CNOT10: variants seen among roughly 807,000 people sequenced by gnomAD.
CNOT10 encodes CCR4-NOT transcription complex, subunit 10.
Under a neutral mutation model 94.6 loss-of-function variants are expected in CNOT10, and 30 were observed. The ratio of observed to expected loss-of-function variants is 0.32; its 90% CI spans 0.24 to 0.43. CNOT10 has a LOEUF of 0.43. Among genes scored for constraint, CNOT10 ranks in the 20% least tolerant of loss-of-function variants. CNOT10 has a pLI of 1.00. For missense variants in CNOT10, 759 were observed against 877.2 expected, an observed-to-expected ratio of 0.87 and a Z score of 1.70; for synonymous variants, 289 against 301.6, an observed-to-expected ratio of 0.96 and a Z score of 0.43.
chr3:32,696,446 A>C (rs7372289), intron 1 of CNOT10, among the ~76,000 whole-genome samples: 30,827 of 152,054 alleles, frequency 0.2, 3,930 homozygotes, highest in African/African-American at 0.35. Context: ...TAAAAACAGA[A>C]AATTTTCATC....
At chr3:32,706,020 A>G (rs1697607314) in intron 3 of CNOT10, among the ~76,000 whole-genome samples, 1 of 152,198 alleles carries the variant, frequency 6.6e-6, no homozygotes. Context: ...GGTGCTTATT[A>G]TCTCAGTTTT....
chr3:32,706,946 G>A (rs1052528159), intron 3 of CNOT10, among the ~76,000 whole-genome samples: 41 of 152,234 alleles, frequency 2.7e-4, no homozygotes, highest in African/African-American at 8.4e-4. Context: ...GGTGGTTGAC[G>A]TCTGCTGAAG....
At chr3:32,740,015 T>C (rs1043590920) in intron 13 of CNOT10, among the ~76,000 whole-genome samples, 2 of 152,216 alleles carry the variant, frequency 1.3e-5, no homozygotes, top group Non-Finnish European at 2.9e-5. Flanking sequence ...AGGATCACTT[T>C]AAGCCCTGGA....
At chr3:32,759,108 T>A (rs1700329815) in intron 13 of CNOT10, among the ~76,000 whole-genome samples, 1 of 149,114 alleles carries the variant, frequency 6.7e-6, no homozygotes, top group Non-Finnish European at 1.5e-5. Flanking sequence ...GGAAGTTAGT[T>A]CTCATTAGGC....
chr3:32,709,120 A>T (rs552046463), intron 4 of CNOT10, among the ~76,000 whole-genome samples: 17 of 152,220 alleles, frequency 1.1e-4, no homozygotes, highest in African/African-American at 3.6e-4. Flanking sequence ...ATCCTTTCTT[A>T]CTTTAGTACA....
intron 5 of CNOT10, chr3:32,715,960 C>T (rs1698099708): frequency 3.6e-6 from 1 of 277,000 alleles, no homozygotes; most frequent in Middle Eastern, 1.1e-3. Context: ...TACATGGCCA[C>T]CATGCCCAGC....
chr3:32,717,217 G>C lies in CNOT10; in HGVS notation c.724G>C (p.Val242Leu). 1 of 1,607,056 alleles carries C rather than the reference G, an allele frequency of 6.2e-7. No individual in the cohort carries two copies. The highest frequency in any genetic ancestry group is 1.1e-5 in the South Asian group (1 of 90,186). Reference sequence around the variant, plus strand: ...AGCATGTAAAAGGGAAATCAAGTCAGTCATGAATACAGCTGGAAATGTAAG... The same window carrying C: ...AGCATGTAAAAGGGAAATCAAGTCACTCATGAATACAGCTGGAAATGTAAG... ...LKACKREIKS[V>L]MNTAGNSAPS... is the part of the protein sequence containing the mutation. Residue 242 changes from valine (V) to leucine (L), a missense_variant, in exon 7 of 19, where the codon GTC (valine) becomes CTC (leucine). Val to Leu is a conservative substitution (Grantham distance 32). This residue lies in a region of CNOT10 where 682 missense variants were observed against 799.4 expected (regional missense o/e 0.85). Transcript: ENST00000328834.
intron 12 of CNOT10, among the ~76,000 whole-genome samples, chr3:32,736,061 T>C (rs974130045): frequency 6.6e-6 from 1 of 152,062 alleles, no homozygotes; most frequent in Admixed American, 6.6e-5. Context: ...TTCTTTTCTT[T>C]TGTTTTCTTT....
chr3:32,688,887 A>G (rs905806570), intron 1 of CNOT10, among the ~76,000 whole-genome samples: 4 of 152,192 alleles, frequency 2.6e-5, no homozygotes, highest in Non-Finnish European at 1.5e-5. Flanking sequence ...TGTCCAGGCA[A>G]CAGGATGAGA....
intron 13 of CNOT10, among the ~76,000 whole-genome samples, chr3:32,738,561 C>G (rs939851507): frequency 9.3e-5 from 14 of 150,820 alleles, no homozygotes; most frequent in Non-Finnish European, 2.1e-4. Context: ...CTCCTGGGTT[C>G]ACACCATTCT....
Position 32,771,200 on chromosome 3 carries a change from G to A in CNOT10, c.2080+1238G>A, listed in dbSNP as rs540802250. ...AAATTAGCTGGGTGTGGTGGTGTGC[G>A]CCTGTAGTTCCAGCTACTGGGAAGG... On this transcript the variant is annotated intron_variant, in intron 18 of 18. Transcript: ENST00000328834. 5.3e-5 allele frequency among the ~76,000 whole-genome samples: 8 copies of A among 152,106 alleles called. No homozygotes were observed. In the South Asian group the frequency reaches 1.7e-3, roughly 32 times the overall value.
chr3:32,740,571 A>T (rs890748094), intron 13 of CNOT10, among the ~76,000 whole-genome samples: 10 of 150,846 alleles, frequency 6.6e-5, no homozygotes, highest in Non-Finnish European at 7.4e-5. Flanking sequence ...AAATTTTTTT[A>T]AAATTTTGTG....
intron 18 of CNOT10, 116 bp from the exon 19 acceptor site, chr3:32,773,341 G>A: frequency 9.6e-7 from 1 of 1,047,060 alleles, no homozygotes; most frequent in Non-Finnish European, 1.4e-6. Flanking sequence ...AGCCAAGGCT[G>A]CAGATGACAG....
intron 13 of CNOT10, among the ~76,000 whole-genome samples, chr3:32,757,828 C>T (rs918642768): frequency 1.3e-5 from 2 of 152,312 alleles, no homozygotes; most frequent in South Asian, 2.1e-4. Flanking sequence ...TGATAGTAGG[C>T]TTGCCAGGAA....
chr3:32,710,295 T>C (rs1697825581), intron 4 of CNOT10, among the ~76,000 whole-genome samples: 1 of 151,652 alleles, frequency 6.6e-6, no homozygotes, highest in African/African-American at 2.4e-5. Context: ...TTTTAAACTT[T>C]TACTGCTTGG....
chr3:32,771,163 C>T (rs951465439), intron 18 of CNOT10, among the ~76,000 whole-genome samples: 2 of 151,744 alleles, frequency 1.3e-5, no homozygotes, highest in African/African-American at 4.8e-5. Flanking sequence ...CCCATCTCTA[C>T]AAAAAATACA....
intron 13 of CNOT10, among the ~76,000 whole-genome samples, chr3:32,751,274 A>AT (rs1008786016): frequency 0.016 from 2,291 of 146,304 alleles, 29 homozygotes; most frequent in African/African-American, 0.04. Context: ...CTAATTTTTA[A>AT]TTTTTTTTTT....
intron 1 of CNOT10, among the ~76,000 whole-genome samples, chr3:32,687,437 C>CGGTTTTTTTTTT (rs1559471615): frequency 9.9e-5 from 1 of 10,128 alleles, no homozygotes; most frequent in Non-Finnish European, 2.2e-4. Context: ...TAAGTCCTCA[C>CGGTTTTTTTTTT]GGTTTTTTTT....
At chr3:32,708,031 A>G (rs113055138) in intron 3 of CNOT10, among the ~76,000 whole-genome samples, 9,290 of 151,938 alleles carry the variant, frequency 0.061, 332 homozygotes, top group African/African-American at 0.09. Context: ...GACTACAGGC[A>G]CGTGCGACCA....
Sources: allele counts gnomAD v4.1 joint callset (sites outside exome capture counted in the v4.1 genomes callset), GRCh38; gene constraint gnomAD v4.1.1; regional missense constraint gnomAD v4.1.1; transcripts MANE v1.5; gene names NCBI Gene and HGNC (gene_info 2026-07-23, HGNC 2026-07-21).